The following FAAH2 variants were observed in gnomAD, a reference collection of about 807,000 sequenced individuals.
FAAH2 encodes fatty-acid amide hydrolase 2.
In FAAH2, 60 loss-of-function variants were observed where a neutral mutation model predicts 36.9. That is an observed-to-expected ratio of 1.63 (90% CI 1.32 to 2.02). The LOEUF (loss-of-function observed/expected upper bound fraction) is 2.02. Among genes scored for constraint, FAAH2 ranks in the 30% most tolerant of loss-of-function variants. FAAH2 has a pLI of 0.00. For missense variants in FAAH2, 689 were observed against 397.5 expected (o/e 1.73, Z -6.23); for synonymous variants, 214 against 143.8 (o/e 1.49, Z -3.49).
chrX:57,463,911 C>T (rs1000225211), intron 10 of FAAH2, among the ~76,000 whole-genome samples: 14 of 111,373 alleles, frequency 1.3e-4, no homozygotes, highest in African/African-American at 4.2e-4. Context: ...GGGAATATAC[C>T]CAAAGGATTA....
chrX:57,459,744 C>T (rs34192821), intron 10 of FAAH2, among the ~76,000 whole-genome samples: 16,419 of 111,521 alleles, frequency 0.15, 1,271 homozygotes, highest in Non-Finnish European at 0.23. Flanking sequence ...AGCAGACCTG[C>T]GGAAGAGGGG....
At chrX:57,190,537 T>C in the FAAH2 span, among the ~76,000 whole-genome samples, 2 of 109,664 alleles carry the variant, frequency 1.8e-5, no homozygotes, top group African/African-American at 6.7e-5. Context: ...CCTGGTGGTG[T>C]AGGCACATAA....
At chrX:57,345,983 G>C in intron 5 of FAAH2, among the ~76,000 whole-genome samples, 1 of 111,420 alleles carries the variant, frequency 9.0e-6, no homozygotes, top group South Asian at 3.7e-4. Context: ...TCTGATCCAA[G>C]AGTGTGTTTG....
At chrX:57,360,665 T>C (rs28838281) in intron 5 of FAAH2, among the ~76,000 whole-genome samples, 2 of 111,590 alleles carry the variant, frequency 1.8e-5, no homozygotes, top group African/African-American at 6.5e-5. Context: ...TGTTTTTAAA[T>C]TTTCTTAATT....
At chrX:57,358,078 T>C (rs2054202184) in intron 5 of FAAH2, among the ~76,000 whole-genome samples, 1 of 111,298 alleles carries the variant, frequency 9.0e-6, no homozygotes, top group Non-Finnish European at 1.9e-5. Context: ...ATTTCTTTCC[T>C]TCAGATAAGG....
chrX:57,346,005 A>T (rs765626588), intron 5 of FAAH2, among the ~76,000 whole-genome samples: 69 of 111,172 alleles, frequency 6.2e-4, no homozygotes, highest in African/African-American at 2.1e-3. Context: ...TATGATTTAA[A>T]TTTTTTTGAA....
At chrX:57,336,469 A>C (rs896689631) in intron 4 of FAAH2, among the ~76,000 whole-genome samples, 1 of 111,202 alleles carries the variant, frequency 9.0e-6, no homozygotes, top group Non-Finnish European at 1.9e-5. Context: ...TACAGAACAA[A>C]ATGGAGTCTC....
the FAAH2 span, among the ~76,000 whole-genome samples, chrX:57,253,758 CCTG>C: frequency 9.0e-6 from 1 of 111,129 alleles, no homozygotes; most frequent in Non-Finnish European, 1.9e-5. Flanking sequence ...CACAGGAGCT[CCTG>C]AAGGAAATAC....
chrX:57,396,888 T>C (rs1454503184), intron 7 of FAAH2, among the ~76,000 whole-genome samples: 1 of 111,956 alleles, frequency 8.9e-6, no homozygotes, highest in Non-Finnish European at 1.9e-5. Context: ...CCAGAGTTTA[T>C]TGATTTCCTG....
the FAAH2 span, among the ~76,000 whole-genome samples, chrX:57,152,360 C>A: frequency 4.4e-5 from 5 of 112,507 alleles, no homozygotes; most frequent in Admixed American, 4.7e-4. Flanking sequence ...TGTGCCCTGC[C>A]CCCAGAGGTG....
the FAAH2 span, among the ~76,000 whole-genome samples, chrX:57,280,171 C>G: frequency 3.6e-5 from 4 of 111,231 alleles, no homozygotes; most frequent in South Asian, 1.5e-3. Flanking sequence ...TCAGCTGTCC[C>G]CAAATTGGTC....
chrX:57,267,184 G>A, the FAAH2 span, among the ~76,000 whole-genome samples: 1 of 112,560 alleles, frequency 8.9e-6, no homozygotes, highest in Non-Finnish European at 1.9e-5. Context: ...CTTCTCATGA[G>A]CCCATGGCAA....
chrX:57,303,154 T>A (rs1396477620), intron 2 of FAAH2, among the ~76,000 whole-genome samples: 1 of 111,605 alleles, frequency 9.0e-6, no homozygotes, highest in Admixed American at 9.6e-5. Flanking sequence ...GGAAGCCTGA[T>A]TGCCCTGCCC....
At chrX:57,410,971 T>A (rs2055684155) in intron 7 of FAAH2, among the ~76,000 whole-genome samples, 1 of 111,862 alleles carries the variant, frequency 8.9e-6, no homozygotes, top group Non-Finnish European at 1.9e-5. Context: ...TTTTGGTCCT[T>A]CAATTCTTTC....
intron 8 of FAAH2, among the ~76,000 whole-genome samples, chrX:57,433,887 G>A (rs755141395): frequency 1.8e-5 from 2 of 111,112 alleles, no homozygotes; most frequent in East Asian, 2.8e-4. Context: ...TCAAAAATAA[G>A]AACAATCCCC....
At chrX:57,169,318 CGTGT>C in the FAAH2 span, among the ~76,000 whole-genome samples, 1 of 100,705 alleles carries the variant, frequency 9.9e-6, no homozygotes, top group Non-Finnish European at 2.0e-5. Context: ...GCTGTCATCA[CGTGT>C]GTGTGTGTGT....
At chrX:57,425,554 T>C (rs1389283997) in intron 7 of FAAH2, among the ~76,000 whole-genome samples, 1 of 111,761 alleles carries the variant, frequency 8.9e-6, no homozygotes, top group African/African-American at 3.2e-5. Context: ...GAAATTGAAG[T>C]TCTATTTCTA....
At chrX:57,383,023 T>C (rs2054899932) in intron 7 of FAAH2, among the ~76,000 whole-genome samples, 1 of 111,399 alleles carries the variant, frequency 9.0e-6, no homozygotes, top group African/African-American at 3.3e-5. Context: ...TGGTTTAACA[T>C]ACGCAAATCA....
chrX:57,434,224 C>A (rs1008292904), intron 8 of FAAH2, among the ~76,000 whole-genome samples: 4 of 107,972 alleles, frequency 3.7e-5, no homozygotes, highest in Non-Finnish European at 7.7e-5. Context: ...TACAAGCACA[C>A]GCCACAACAC....
Sources: gnomAD v4.1 joint callset for allele counts (sites outside exome capture counted in the v4.1 genomes callset) on GRCh38, gnomAD v4.1.1 for gene constraint, MANE v1.5 for transcripts, NCBI Gene and HGNC (gene_info 2026-07-23, HGNC 2026-07-21) for gene names.